Variants in PDE10A observed in about 807,000 individuals in gnomAD.
PDE10A encodes cAMP and cAMP-inhibited cGMP 3',5'-cyclic phosphodiesterase 10A.
PDE10A carries 39 observed loss-of-function variants against 97.7 expected under a neutral mutation model. The observed-to-expected ratio is 0.40, with a 90% CI of 0.31 to 0.52. PDE10A has a LOEUF of 0.52. Among genes scored for constraint, PDE10A ranks in the 20% least tolerant of loss-of-function variants. The pLI is 0.56. For missense variants in PDE10A, 731 were observed against 1,047.8 expected, an observed-to-expected ratio of 0.70 and a Z score of 4.17; for synonymous variants, 371 against 376.8, an observed-to-expected ratio of 0.98 and a Z score of 0.18.
chr6:165,431,414 A>C lies in PDE10A; in HGVS notation c.1542+8T>G. 2 of 1,590,898 alleles carry C rather than the reference A, an allele frequency of 1.3e-6. No homozygotes were observed. Among genetic ancestry groups the C allele is most frequent in the Non-Finnish European group, 1.7e-6 (2 of 1,165,628 alleles). ...GGAAGCCCCTGCAAAAACACCCCAAAGACTCACCTGCACCTGATGTATTGC... is the reference window on the plus strand; with the variant it reads ...GGAAGCCCCTGCAAAAACACCCCAACGACTCACCTGCACCTGATGTATTGC... On this transcript the variant is annotated splice_region_variant and intron_variant, in intron 8 of 21. Transcript: ENST00000539869.
intron 1 of PDE10A, among the ~76,000 whole-genome samples, chr6:165,687,239 A>G (rs1387333657): frequency 6.6e-6 from 1 of 152,254 alleles, no homozygotes; most frequent in African/African-American, 2.4e-5. Context: ...CACAGCACCC[A>G]GAGGCACTGG....
At chr6:165,355,975 G>T (rs139119959) in intron 18 of PDE10A, among the ~76,000 whole-genome samples, 1,951 of 152,196 alleles carry the variant, frequency 0.013, 34 homozygotes, top group African/African-American at 0.045. Flanking sequence ...CATGGCTGGG[G>T]AGGCCTCAGC....
intron 1 of PDE10A, among the ~76,000 whole-genome samples, chr6:165,604,015 A>G (rs1412815056): frequency 6.6e-6 from 1 of 152,198 alleles, no homozygotes; most frequent in African/African-American, 2.4e-5. Flanking sequence ...AACAATCAAG[A>G]TATGTACATA....
chr6:165,823,539 A>AT lies in PDE10A; in HGVS notation c.-615+163989_-615+163990insA, dbSNP rs1554327905. ...ATATATATATATGAACCTTAATTAT[A>AT]AATATTATATAGAAATATATGTATA... On this transcript the variant is annotated intron_variant, in intron 1 of 19. Transcript: ENST00000366882. 1.4e-3 allele frequency among the ~76,000 whole-genome samples: 167 copies of AT among 117,236 alleles called. No homozygotes were observed. The Middle Eastern group carries it at 0.015, about 11-fold the overall frequency. 76.9% of individuals were successfully genotyped at this position (117,236 alleles called of 152,430 possible).
At chr6:165,466,740 C>A (rs542118013) in intron 3 of PDE10A, among the ~76,000 whole-genome samples, 32 of 152,076 alleles carry the variant, frequency 2.1e-4, no homozygotes, top group Non-Finnish European at 4.0e-4. Context: ...AATCCTGAGA[C>A]AAAACAATGT....
chr6:165,406,934 A>G (rs1488841127), intron 13 of PDE10A, among the ~76,000 whole-genome samples: 1 of 152,038 alleles, frequency 6.6e-6, no homozygotes, highest in East Asian at 1.9e-4. Context: ...CAGCTTCTCA[A>G]GCCTTTGGCC....
rs776240558 is a variant in PDE10A at position 165,425,797 on chromosome 6, G to GTGTGTGTA, written c.1653+2860_1653+2861insTACACACA. Among the ~76,000 whole-genome samples the GTGTGTGTA allele has an allele frequency of 6.2e-3, 940 of 151,564 alleles. 11 individuals carry two copies. The highest frequency in any genetic ancestry group is 0.021 in the African/African-American group (887 of 41,278). ...TGTGTGTGTGTGTGTGTGTGTGTGT[G>GTGTGTGTA]TGTATGTATGTAATCCACTAAGAAA... On this transcript the variant is annotated intron_variant, in intron 10 of 21. Coordinates refer to ENST00000539869, the MANE Select transcript of PDE10A (RefSeq NM_001385079.1).
At chr6:165,524,290 T>C (rs554106953) in intron 2 of PDE10A, among the ~76,000 whole-genome samples, 10 of 152,266 alleles carry the variant, frequency 6.6e-5, no homozygotes, top group African/African-American at 1.9e-4. Flanking sequence ...AGGAACAGAA[T>C]ATTAAAAATG....
chr6:165,901,766 C>T (rs1190158329), intron 1 of PDE10A, among the ~76,000 whole-genome samples: 1 of 151,870 alleles, frequency 6.6e-6, no homozygotes, highest in African/African-American at 2.4e-5. Flanking sequence ...TGCGCCGTTG[C>T]ACTGGTCTGG....
chr6:165,572,052 T>G (rs1785072749), intron 1 of PDE10A, among the ~76,000 whole-genome samples: 2 of 152,220 alleles, frequency 1.3e-5, no homozygotes, highest in East Asian at 3.8e-4. Context: ...TATCTTTACA[T>G]CAGAGAAAGA....
At chr6:165,705,165 C>G (rs1431415116) in intron 1 of PDE10A, among the ~76,000 whole-genome samples, 2 of 152,248 alleles carry the variant, frequency 1.3e-5, no homozygotes, top group Non-Finnish European at 1.5e-5. Context: ...CTCACTGTAC[C>G]TGTTTACTGG....
chr6:165,909,113 AT>A (rs1782385406), intron 1 of PDE10A: 1 of 152,204 alleles, frequency 6.6e-6, no homozygotes. Flanking sequence ...GAAAAAAAAA[AT>A]GGAACACAAA....
chr6:165,904,300 T>C (rs978844121), intron 1 of PDE10A, among the ~76,000 whole-genome samples: 3 of 151,994 alleles, frequency 2.0e-5, no homozygotes, highest in Non-Finnish European at 4.4e-5. Context: ...GCATCTGCCT[T>C]AGGAGAAGGG....
intron 1 of PDE10A, among the ~76,000 whole-genome samples, chr6:165,726,323 T>C (rs999019672): frequency 2.0e-5 from 3 of 152,150 alleles, no homozygotes; most frequent in Admixed American, 6.5e-5. Context: ...GAAGTATTAA[T>C]GATGGGAAAA....
intron 2 of PDE10A, among the ~76,000 whole-genome samples, chr6:165,507,841 A>G (rs1334257611): frequency 6.6e-6 from 1 of 152,054 alleles, no homozygotes; most frequent in East Asian, 1.9e-4. Flanking sequence ...AAGTCTTATC[A>G]AGAAATTCTG....
At chr6:165,453,310 T>C (rs1426688085) in intron 3 of PDE10A, among the ~76,000 whole-genome samples, 3 of 152,160 alleles carry the variant, frequency 2.0e-5, no homozygotes, top group Non-Finnish European at 4.4e-5. Context: ...ATACGTTAAG[T>C]GTGAAAAGAC....
intron 1 of PDE10A, among the ~76,000 whole-genome samples, chr6:165,704,440 T>C (rs1207400337): frequency 6.6e-6 from 1 of 152,212 alleles, no homozygotes; most frequent in African/African-American, 2.4e-5. Context: ...GGGACCTAGA[T>C]GTTGCTGCAG....
intron 1 of PDE10A, among the ~76,000 whole-genome samples, chr6:165,648,915 C>G (rs892798005): frequency 1.3e-5 from 2 of 152,208 alleles, no homozygotes; most frequent in Non-Finnish European, 2.9e-5. Context: ...AGTGAAAGGA[C>G]CGTGCAGCCA....
intron 1 of PDE10A, among the ~76,000 whole-genome samples, chr6:165,981,541 G>A (rs1785015566): frequency 6.6e-6 from 1 of 152,200 alleles, no homozygotes; most frequent in Non-Finnish European, 1.5e-5. Flanking sequence ...CAGGTCCAAA[G>A]ATGAGTGAGG....
Sources: gnomAD v4.1 joint callset for allele counts (sites outside exome capture counted in the v4.1 genomes callset) on GRCh38, gnomAD v4.1.1 for gene constraint, MANE v1.5 for transcripts, NCBI Gene and HGNC (gene_info 2026-07-23, HGNC 2026-07-21) for gene names.